PLCB1: variants seen among roughly 807,000 people sequenced by gnomAD.
PLCB1 encodes the protein 1-phosphatidylinositol 4,5-bisphosphate phosphodiesterase beta-1.
In PLCB1, 46 loss-of-function variants were observed where a neutral mutation model predicts 161.8. The observed-to-expected ratio is 0.28, with a 90% confidence interval of 0.22 to 0.36. PLCB1 has a LOEUF of 0.36. PLCB1 is among the 10% of genes least tolerant of loss of function. The pLI is 1.00. For synonymous variants in PLCB1, 517 were observed against 503.7 expected, an observed-to-expected ratio of 1.03 and a Z score of -0.35; for missense variants, 1,016 against 1,472.5, an observed-to-expected ratio of 0.69 and a Z score of 5.07.
intron 3 of PLCB1, among the ~76,000 whole-genome samples, chr20:8,437,455 C>G (rs919869825): frequency 6.6e-6 from 1 of 152,194 alleles, no homozygotes; most frequent in African/African-American, 2.4e-5. Context: ...GCATGAAATG[C>G]TATTTCATTG....
At chr20:8,748,664 A>G (rs1269542314) in intron 23 of PLCB1, among the ~76,000 whole-genome samples, 1 of 152,166 alleles carries the variant, frequency 6.6e-6, no homozygotes, top group Non-Finnish European at 1.5e-5. Context: ...ATGTGCATAC[A>G]GGTGCAGGAA....
intron 11 of PLCB1, among the ~76,000 whole-genome samples, chr20:8,701,377 A>C (rs1010721516): frequency 6.6e-6 from 1 of 152,006 alleles, no homozygotes; most frequent in Non-Finnish European, 1.5e-5. Context: ...TGGTATTCTC[A>C]TAGGTATCTG....
intron 2 of PLCB1, among the ~76,000 whole-genome samples, chr20:8,309,024 A>ACATTGT (rs1326296809): frequency 6.6e-6 from 1 of 152,144 alleles, no homozygotes; most frequent in East Asian, 1.9e-4. Context: ...GGGAAAAAAA[A>ACATTGT]CATTGTAAAT....
At chr20:8,580,023 G>T (rs1456927271) in intron 3 of PLCB1, among the ~76,000 whole-genome samples, 2 of 152,176 alleles carry the variant, frequency 1.3e-5, no homozygotes, top group Non-Finnish European at 2.9e-5. Flanking sequence ...GGCCCTGGGT[G>T]ATGGAGCAGT....
At chr20:8,696,404 C>T (rs1990586175) in intron 10 of PLCB1, among the ~76,000 whole-genome samples, 1 of 152,260 alleles carries the variant, frequency 6.6e-6, no homozygotes. Context: ...ATTACTGTAG[C>T]TTTGTTTTAA....
chr20:8,716,265 C>T lies in PLCB1; in HGVS notation c.1252C>T (p.Pro418Ser), dbSNP rs1979305349. ...TCTTCTGTTCTTGTTCTCCCTTAGC[C>T]CAAAGCAGCAAGCCAAGATGGCGGA... Reference protein sequence around the residue: ...LLSFENHVDSPKQQAKMAEYC... With the variant: ...LLSFENHVDSSKQQAKMAEYC... The change falls in exon 13 of 32, where the codon CCA becomes TCA. Residue 418 changes from proline to serine, a missense_variant and splice_region_variant. Physicochemically the swap from Pro to Ser is moderately conservative, Grantham distance 74. Transcript: ENST00000338037. 1 of 1,613,308 alleles carries T rather than the reference C, an allele frequency of 6.2e-7. No individual in the cohort carries two copies. Among genetic ancestry groups the T allele is most frequent in the African/African-American group, 1.3e-5 (1 of 74,886 alleles).
intron 2 of PLCB1, among the ~76,000 whole-genome samples, chr20:8,210,246 T>C (rs1327633660): frequency 6.6e-6 from 1 of 152,140 alleles, no homozygotes; most frequent in African/African-American, 2.4e-5. Context: ...GTATTTCTCT[T>C]TTTCTTTTTC....
chr20:8,462,884 A>G (rs921143231), intron 3 of PLCB1, among the ~76,000 whole-genome samples: 5 of 145,104 alleles, frequency 3.4e-5, no homozygotes, highest in Non-Finnish European at 7.7e-5. Context: ...TGGCTGGCCA[A>G]TAGGCCAACA....
chr20:8,271,883 C>T (rs1982302736), intron 2 of PLCB1, among the ~76,000 whole-genome samples: 1 of 152,012 alleles, frequency 6.6e-6, no homozygotes, highest in Non-Finnish European at 1.5e-5. Context: ...AATTAGACTG[C>T]ATTTATCAAG....
Position 8,763,186 on chromosome 20 carries a change from A to T in PLCB1, c.2711-1953A>T, listed in dbSNP as rs191671367. 5.3e-5 allele frequency among the ~76,000 whole-genome samples: 8 copies of T among 152,306 alleles called. No individual in the cohort carries two copies. The East Asian group carries it at 1.5e-3, about 29-fold the overall frequency. On this transcript the variant is annotated intron_variant, in intron 25 of 31. Transcript: ENST00000338037. ...GCACATTCTAGAATTGATTGAATAT[A>T]TCAGTAAAATACAGATTAGTTTTGT...
intron 3 of PLCB1, among the ~76,000 whole-genome samples, chr20:8,550,392 C>T (rs1348967496): frequency 1.3e-5 from 2 of 152,038 alleles, no homozygotes; most frequent in Non-Finnish European, 1.5e-5. Context: ...GGGGTGGCTT[C>T]CCCCGTGTTG....
intron 2 of PLCB1, among the ~76,000 whole-genome samples, chr20:8,327,050 T>C (rs1985182864): frequency 6.6e-6 from 1 of 152,198 alleles, no homozygotes; most frequent in Non-Finnish European, 1.5e-5. Context: ...CATGCTTGGC[T>C]AAGTTTTGTA....
chr20:8,444,747 A>G (rs187796369), intron 3 of PLCB1, among the ~76,000 whole-genome samples: 31 of 152,206 alleles, frequency 2.0e-4, no homozygotes, highest in African/African-American at 6.7e-4. Context: ...CATTCTAACT[A>G]GTGTGAGATG....
intron 2 of PLCB1, among the ~76,000 whole-genome samples, chr20:8,171,706 A>T (rs537121545): frequency 2.6e-5 from 4 of 152,256 alleles, no homozygotes; most frequent in South Asian, 2.1e-4. Flanking sequence ...TATTATTATT[A>T]CTTCTCATTG....
intron 1 of PLCB1, among the ~76,000 whole-genome samples, chr20:8,139,577 AT>A (rs2051382770): frequency 6.6e-6 from 1 of 151,744 alleles, no homozygotes; most frequent in East Asian, 1.9e-4. Context: ...TTATTTTGCC[AT>A]TAAAAAAAAC....
chr20:8,768,133 C>T (rs1308204829), intron 26 of PLCB1, among the ~76,000 whole-genome samples: 1 of 152,046 alleles, frequency 6.6e-6, no homozygotes, highest in African/African-American at 2.4e-5. Flanking sequence ...GGTGCCACTG[C>T]ACTCCAGCCT....
At chr20:8,274,687 T>A (rs1412620743) in intron 2 of PLCB1, among the ~76,000 whole-genome samples, 1 of 152,182 alleles carries the variant, frequency 6.6e-6, no homozygotes, top group African/African-American at 2.4e-5. Flanking sequence ...TTAATATTTT[T>A]AGGAAGGGTT....
intron 2 of PLCB1, among the ~76,000 whole-genome samples, chr20:8,362,098 A>G (rs1986562078): frequency 1.3e-5 from 2 of 152,224 alleles, no homozygotes; most frequent in South Asian, 2.1e-4. Context: ...TACATGCAAC[A>G]TCATTCATTC....
chr20:8,837,285 A>G (rs1317293848), intron 31 of PLCB1, among the ~76,000 whole-genome samples: 1 of 152,218 alleles, frequency 6.6e-6, no homozygotes, highest in Admixed American at 6.5e-5. Flanking sequence ...AAGGTGACGT[A>G]CAAAGTGCAA....
Sources: gnomAD v4.1 joint callset for allele counts (sites outside exome capture counted in the v4.1 genomes callset) on GRCh38, gnomAD v4.1.1 for gene constraint, MANE v1.5 for transcripts, NCBI Gene and HGNC (gene_info 2026-07-23, HGNC 2026-07-21) for gene names.